KCTD10: variants seen among roughly 807,000 people sequenced by gnomAD.
The protein encoded by KCTD10 is potassium channel tetramerization domain containing 10.
In KCTD10, 13 loss-of-function variants were observed where a neutral mutation model predicts 34.6. That is an observed-to-expected ratio of 0.38 (90% confidence interval 0.24 to 0.60). The LOEUF (loss-of-function observed/expected upper bound fraction) is 0.60, where lower values mean the gene tolerates loss of function less well. KCTD10 is among the 20% of genes least tolerant of loss of function. KCTD10 has a pLI of 0.66. For missense variants in KCTD10, 256 were observed against 420.3 expected (o/e 0.61, Z 3.42); for synonymous variants, 156 against 168.8 (o/e 0.92, Z 0.59).
intron 1 of KCTD10, 55 bp from the exon 2 acceptor site, chr12:109,469,783 G>C: frequency 6.3e-7 from 1 of 1,598,438 alleles, no homozygotes; most frequent in Non-Finnish European, 8.5e-7. Context: ...ACTGCTTTCA[G>C]CCTGTGGATT....
intron 2 of KCTD10, chr12:109,469,037 C>T (rs1873741394): frequency 6.3e-6 from 1 of 157,832 alleles, no homozygotes; most frequent in Non-Finnish European, 1.4e-5. Context: ...TCTATCTACA[C>T]ACACACATAT....
chr12:109,477,186 CT>C (rs1229432603), intron 1 of KCTD10, 73 bp downstream of exon 1: 41 of 1,597,470 alleles, frequency 2.6e-5, no homozygotes, highest in African/African-American at 2.7e-5. Context: ...CTCTCGGTCC[CT>C]TCTTATACTC....
chr12:109,455,441 TCTC>T (rs1463157353), intron 6 of KCTD10: 1 of 152,212 alleles, frequency 6.6e-6, no homozygotes. Context: ...GATGATTTCT[TCTC>T]ATTTGCTTTT....
At chr12:109,459,086 CAG>C (rs913223986) in intron 3 of KCTD10, 1 of 152,236 alleles carries the variant, frequency 6.6e-6, no homozygotes, top group African/African-American at 2.4e-5. Flanking sequence ...AGAAAACAAA[CAG>C]AATCATCAGA....
At chr12:109,464,691 T>TA (rs777078858) in intron 2 of KCTD10, 1 of 340,858 alleles carries the variant, frequency 2.9e-6, no homozygotes, top group Non-Finnish European at 5.8e-6. Flanking sequence ...GTTAAAAGAT[T>TA]AAACTCAAAA....
intron 5 of KCTD10, chr12:109,457,295 T>C (rs931655323): frequency 9.4e-6 from 2 of 211,820 alleles, no homozygotes; most frequent in African/African-American, 4.6e-5. Context: ...TGAGGGAAAA[T>C]GGGGAGTGAC....
At chr12:109,475,915 G>GT (rs1432497231) in intron 1 of KCTD10, among the ~76,000 whole-genome samples, 47 of 152,346 alleles carry the variant, frequency 3.1e-4, no homozygotes, top group African/African-American at 1.0e-3. Context: ...CTCTCCCTGT[G>GT]TTTAATACAC....
rs997187563 is a variant in KCTD10, at chr12:109,469,685, G to A, written c.47C>T (p.Ala16Val). The A allele has an allele frequency of 1.5e-5, 25 of 1,614,090 alleles. No homozygotes were observed. The highest frequency in any genetic ancestry group is 2.1e-5 in the Non-Finnish European group (25 of 1,180,052). The change falls in exon 2 of 7, where the codon GCG (alanine) becomes GTG (valine). Residue 16 changes from alanine (A) to valine (V), a missense_variant. Physicochemically the swap from Ala to Val is moderately conservative, Grantham distance 64. Transcript: ENST00000228495. ...GAAGGAAGTGGTGCGGGTAGCAGCC[G>A]CTGGCACCGCTGAGCTCACCACACT... is the stretch of plus-strand genomic sequence containing the variant. ...GESVVSSAVP[A>V]AATRTTSFKG...
At chr12:109,465,739 G>C (rs1873557394) in intron 2 of KCTD10, among the ~76,000 whole-genome samples, 1 of 152,190 alleles carries the variant, frequency 6.6e-6, no homozygotes, top group Non-Finnish European at 1.5e-5. Context: ...TTTTACCAAA[G>C]AGCATTGTCA....
chr12:109,451,872 T>C lies in KCTD10; in HGVS notation c.724-59A>G. 2 of 1,469,422 alleles carry C rather than the reference T, an allele frequency of 1.4e-6. No individual in the cohort carries two copies. The highest frequency in any genetic ancestry group is 1.4e-5 in the South Asian group (1 of 72,670). The allele number at this position is 1,469,422 out of a possible 1,614,324, so 91.0% of individuals were successfully genotyped here. ...ATGGCCCACCCCCTCTGCCAACACC[T>C]GGACTTTAAGCAGGGCCGCCAGGCT... On this transcript the variant is annotated intron_variant, in intron 6 of 6. Transcript: ENST00000228495. The surrounding 1 kb of genome is among the most constrained non-coding windows in gnomAD (Gnocchi z 5.0).
At chr12:109,458,803 G>A (rs1196626432) in intron 3 of KCTD10, 2 of 152,262 alleles carry the variant, frequency 1.3e-5, no homozygotes, top group Non-Finnish European at 2.9e-5. Flanking sequence ...GGAGAGTAGA[G>A]GATTCCTCTT....
rs1381660677 is a variant in KCTD10, at chr12:109,451,401, CAG to C, written c.*192_*193del. 5.4e-6 allele frequency: 3 copies of C among 557,792 alleles called. No homozygotes were observed. The highest frequency in any genetic ancestry group is 9.4e-6 in the Non-Finnish European group (3 of 320,712). 34.6% of individuals were successfully genotyped at this position (557,792 alleles called of 1,614,324 possible). A position where few individuals can be genotyped will look rare whatever the true frequency, so the allele number is the denominator to read the frequency against. On this transcript the variant is annotated 3_prime_UTR_variant, in exon 7 of 7. Coordinates refer to ENST00000228495, the MANE Select transcript of KCTD10 (RefSeq NM_031954.5). This position sits in a 1 kb window ranked among gnomAD's most constrained non-coding sequence, Gnocchi z 5.0. ...ATCTTAGACACAGCTTGTTCAACGA[CAG>C]GGGTCATACGCCTGGGTCAAGACAA...
At chr12:109,471,380 G>A in intron 1 of KCTD10, 13 of 985,456 alleles carry the variant, frequency 1.3e-5, no homozygotes, top group Non-Finnish European at 1.6e-5. Flanking sequence ...TCAGGGCCCT[G>A]CAGAGTGAAA....
rs934242892 is a variant in KCTD10 at position 109,470,633 on chromosome 12, C to G, written c.4-905G>C. On this transcript the variant is annotated intron_variant, in intron 1 of 6. Coordinates refer to ENST00000228495, the MANE Select transcript of KCTD10 (RefSeq NM_031954.5). ...AGCCCCCACGGCTGGCCCTACCATT[C>G]CCATTGAACATCAACAGTTTTTCAC... 7 of 980,170 alleles carry G rather than the reference C, an allele frequency of 7.1e-6. No homozygotes were observed. The African/African-American group carries it at 1.2e-4, about 17-fold the overall frequency. The allele number at this position is 980,170 out of a possible 1,614,324, so 60.7% of individuals were successfully genotyped here.
intron 1 of KCTD10, 179 bp from the exon 2 acceptor site, chr12:109,469,907 C>T: frequency 7.4e-7 from 1 of 1,352,252 alleles, no homozygotes; most frequent in East Asian, 2.6e-5. Context: ...CTTCTGGCTT[C>T]TCCTAAAATC....
At chr12:109,457,570 G>A (rs1277529201) in intron 5 of KCTD10, 60 bp downstream of exon 5, 5 of 1,460,684 alleles carry the variant, frequency 3.4e-6, no homozygotes, top group Non-Finnish European at 4.8e-6. Context: ...GCTGGGCCTG[G>A]CTGGTGTGAG....
rs913067762 is a variant in KCTD10 at position 109,460,015 on chromosome 12, T to C, written c.387+621A>G. Among the ~76,000 whole-genome samples, 5 of 152,230 alleles carry C rather than the reference T, an allele frequency of 3.3e-5. No individual in the cohort carries two copies. Among genetic ancestry groups the C allele is most frequent in the Admixed American group, 2.0e-4 (3 of 15,288 alleles). ...AGAGTAGAGGTGGTGTGCAGCATTA[T>C]GGGTACTGGTCCGGTGCGGGGCCAG... is the stretch of plus-strand genomic sequence containing the variant. On this transcript the variant is annotated intron_variant, in intron 3 of 6. Transcript: ENST00000228495. This position sits in a 1 kb window ranked among gnomAD's most constrained non-coding sequence, Gnocchi z 4.5.
chr12:109,452,028 C>T (rs1872798151), intron 6 of KCTD10, among the ~76,000 whole-genome samples: 1 of 152,310 alleles, frequency 6.6e-6, no homozygotes, highest in Non-Finnish European at 1.5e-5. Context: ...AACAGGTCTC[C>T]CTGCCCCTAG....
intron 2 of KCTD10, among the ~76,000 whole-genome samples, chr12:109,465,364 G>A (rs143818969): frequency 2.6e-5 from 4 of 152,164 alleles, no homozygotes; most frequent in Non-Finnish European, 4.4e-5. Context: ...CACCAACAGC[G>A]CCTTGTTTAG....
Sources: gnomAD v4.1 joint callset for allele counts (sites outside exome capture counted in the v4.1 genomes callset) on GRCh38, gnomAD v4.1.1 for gene constraint, Gnocchi (gnomAD v3.1) non-coding constraint, MANE v1.5 for transcripts, NCBI Gene and HGNC (gene_info 2026-07-23, HGNC 2026-07-21) for gene names.